The following AUTS2 variants were observed in gnomAD, a reference collection of about 807,000 sequenced individuals.
AUTS2 encodes the protein activator of transcription and developmental regulator AUTS2.
A neutral mutation model predicts 112.4 loss-of-function variants in AUTS2; 17 were observed. The observed-to-expected ratio is 0.15, with a 90% CI of 0.10 to 0.23. The LOEUF (loss-of-function observed/expected upper bound fraction) is 0.23. Among genes scored for constraint, AUTS2 ranks in the 10% least tolerant of loss-of-function variants. The probability of loss-of-function intolerance (pLI) is 1.00; values close to 1 mark genes in which losing one functional copy is unlikely to be tolerated. For synonymous variants in AUTS2, 751 were observed against 702.7 expected (o/e 1.07, Z -1.09); for missense variants, 1,510 against 1,701.6 (o/e 0.89, Z 1.98).
chr7:70,234,408 T>G (rs1360955986), intron 4 of AUTS2, among the ~76,000 whole-genome samples: 2 of 152,192 alleles, frequency 1.3e-5, no homozygotes, highest in African/African-American at 4.8e-5. Flanking sequence ...CTGTGAGATA[T>G]GTTTCCTTTT....
intron 4 of AUTS2, among the ~76,000 whole-genome samples, chr7:70,275,416 C>T (rs1359458944): frequency 2.0e-5 from 3 of 151,960 alleles, no homozygotes; most frequent in Non-Finnish European, 2.9e-5. Flanking sequence ...AGGGAGTTAC[C>T]CATTCATGGG....
Position 70,751,653 on chromosome 7 carries a change from A to C in AUTS2, c.743-11217A>C, listed in dbSNP as rs549689313. Among the ~76,000 whole-genome samples the C allele has an allele frequency of 2.1e-4, 32 of 152,222 alleles. 1 individual carries two copies. The South Asian group carries it at 6.4e-3, about 31-fold the overall frequency. ...TACATGTTTGTTTGAAAATCCTTTTAGAACCTTGCCTTGTTAGGACCTCCT... is the reference window on the plus strand; with the variant it reads ...TACATGTTTGTTTGAAAATCCTTTTCGAACCTTGCCTTGTTAGGACCTCCT... On this transcript the variant is annotated intron_variant, in intron 6 of 18. Coordinates refer to ENST00000342771, the MANE Select transcript of AUTS2 (RefSeq NM_015570.4).
intron 1 of AUTS2, among the ~76,000 whole-genome samples, chr7:69,667,005 A>G (rs1440225034): frequency 6.6e-6 from 1 of 152,150 alleles, no homozygotes; most frequent in African/African-American, 2.4e-5. Flanking sequence ...AAGAAAAGGA[A>G]TTTATTTCTT....
intron 1 of AUTS2, among the ~76,000 whole-genome samples, chr7:69,633,517 C>G (rs993816476): frequency 2.0e-5 from 3 of 152,128 alleles, no homozygotes; most frequent in Non-Finnish European, 4.4e-5. Flanking sequence ...CTTTAGAAAC[C>G]TCCATACTAT....
intron 1 of AUTS2, among the ~76,000 whole-genome samples, chr7:69,773,640 G>C (rs1788767357): frequency 6.6e-6 from 1 of 152,124 alleles, no homozygotes; most frequent in Non-Finnish European, 1.5e-5. Flanking sequence ...GTGCAGAGTT[G>C]ATCTTCCACA....
In AUTS2 at chr7:70,775,379, T is replaced by C. The variant is rs1237668919; in HGVS notation, c.1925T>C (p.Met642Thr). The C allele has an allele frequency of 6.2e-7, 1 of 1,612,774 alleles. No homozygotes were observed. The highest frequency in any genetic ancestry group is 2.2e-5 in the East Asian group (1 of 44,850). ...CAGTTGACAGATCCTTTCAGACCTA[T>C]GTTAAGGGTAAGAAAGCTTCTTATA... ...DPRLTDPFRP[M>T]LRKPGKWCAM... Residue 642 changes from methionine to threonine, a missense_variant, in exon 13 of 19, where the codon ATG (methionine) becomes ACG (threonine). Transcript: ENST00000342771.
chr7:70,722,444 G>C (rs1044005420), intron 6 of AUTS2, among the ~76,000 whole-genome samples: 3 of 152,154 alleles, frequency 2.0e-5, no homozygotes, highest in Non-Finnish European at 4.4e-5. Flanking sequence ...AATTATAGCT[G>C]TATAGCCAAA....
intron 5 of AUTS2, among the ~76,000 whole-genome samples, chr7:70,650,844 T>C (rs376368826): frequency 2.0e-5 from 3 of 152,214 alleles, no homozygotes; most frequent in African/African-American, 7.2e-5. Context: ...ACTGTTCCTG[T>C]ACCCATGACA....
intron 4 of AUTS2, among the ~76,000 whole-genome samples, chr7:70,185,934 G>A (rs1809581025): frequency 6.6e-6 from 1 of 152,144 alleles, no homozygotes; most frequent in African/African-American, 2.4e-5. Context: ...ATAAACTATT[G>A]AAATTTTACA....
chr7:70,764,621 G>C (rs879808458), intron 7 of AUTS2, 131 bp from the exon 8 acceptor site: 7 of 631,516 alleles, frequency 1.1e-5, no homozygotes, highest in Non-Finnish European at 2.0e-5. Flanking sequence ...GTACAGGGAG[G>C]ATCTGTAAAG....
chr7:70,214,176 C>T (rs574294448), intron 4 of AUTS2, among the ~76,000 whole-genome samples: 48 of 152,212 alleles, frequency 3.2e-4, no homozygotes, highest in African/African-American at 1.2e-3. Flanking sequence ...ACTCTGTGCT[C>T]CAAACTGGTG....
At chr7:69,883,715 C>T (rs1028008885) in intron 1 of AUTS2, among the ~76,000 whole-genome samples, 10 of 152,142 alleles carry the variant, frequency 6.6e-5, no homozygotes, top group South Asian at 4.1e-4. Flanking sequence ...ACTGATTTCC[C>T]GACTAACCCA....
At chr7:70,516,278 C>T (rs952882706) in intron 5 of AUTS2, among the ~76,000 whole-genome samples, 1 of 152,162 alleles carries the variant, frequency 6.6e-6, no homozygotes, top group Non-Finnish European at 1.5e-5. Flanking sequence ...CCCCCTCCTC[C>T]TTCCACACAC....
chr7:70,786,150 G>GT (rs1422292724), intron 17 of AUTS2, 112 bp downstream of exon 17: 1 of 911,128 alleles, frequency 1.1e-6, no homozygotes, highest in Non-Finnish European at 1.7e-6. Flanking sequence ...GGGGACCAGT[G>GT]TAGGTTATAT....
At chr7:70,495,513 G>A (rs1173482278) in intron 5 of AUTS2, among the ~76,000 whole-genome samples, 1 of 151,734 alleles carries the variant, frequency 6.6e-6, no homozygotes, top group Non-Finnish European at 1.5e-5. Flanking sequence ...CAGAAATTTG[G>A]TGAAACTCTT....
chr7:70,355,703 T>G (rs1791979400), intron 4 of AUTS2, among the ~76,000 whole-genome samples: 1 of 152,132 alleles, frequency 6.6e-6, no homozygotes, highest in Non-Finnish European at 1.5e-5. Context: ...TTTGAGAAGC[T>G]TTATGGCTCT....
intron 1 of AUTS2, among the ~76,000 whole-genome samples, chr7:69,716,821 G>A (rs902098671): frequency 6.6e-6 from 1 of 151,850 alleles, no homozygotes; most frequent in African/African-American, 2.4e-5. Flanking sequence ...CAGAGAACCC[G>A]GGGGGGAAAA....
At chr7:70,485,903 G>A (rs543433204) in intron 5 of AUTS2, among the ~76,000 whole-genome samples, 2 of 152,142 alleles carry the variant, frequency 1.3e-5, no homozygotes, top group East Asian at 3.9e-4. Flanking sequence ...GACGTATTCT[G>A]AGAAGCCTGA....
At chr7:70,633,171 G>A (rs1222496752) in intron 5 of AUTS2, among the ~76,000 whole-genome samples, 1 of 152,148 alleles carries the variant, frequency 6.6e-6, no homozygotes, top group East Asian at 1.9e-4. Flanking sequence ...AAAGCAGAAG[G>A]GAGAGACATA....
Sources: allele counts gnomAD v4.1 joint callset (sites outside exome capture counted in the v4.1 genomes callset), GRCh38; gene constraint gnomAD v4.1.1; transcripts MANE v1.5; gene names NCBI Gene and HGNC (gene_info 2026-07-23, HGNC 2026-07-21).